The following TBC1D22A variants were observed in gnomAD, a reference collection of about 807,000 sequenced individuals.
The protein encoded by TBC1D22A is TBC1 domain family member 22A.
In TBC1D22A, 38 loss-of-function variants were observed where a neutral mutation model predicts 60.2. The ratio of observed to expected loss-of-function variants is 0.63; its 90% CI spans 0.49 to 0.83. The LOEUF is 0.83. Among genes scored for constraint, TBC1D22A ranks in the 40% least tolerant of loss-of-function variants. TBC1D22A has a pLI of 0.00. For missense variants in TBC1D22A, 628 were observed against 701.0 expected, an observed-to-expected ratio of 0.90 and a Z score of 1.18; for synonymous variants, 302 against 281.7, an observed-to-expected ratio of 1.07 and a Z score of -0.72.
At chr22:47,045,476 C>T (rs148671655) in intron 11 of TBC1D22A, among the ~76,000 whole-genome samples, 61 of 152,360 alleles carry the variant, frequency 4.0e-4, no homozygotes, top group African/African-American at 1.4e-3. Flanking sequence ...TTTCCTTGTA[C>T]TTGCTCCAAA....
chr22:46,844,763 G>A (rs1170342493), intron 4 of TBC1D22A, among the ~76,000 whole-genome samples: 1 of 152,154 alleles, frequency 6.6e-6, no homozygotes, highest in African/African-American at 2.4e-5. Flanking sequence ...AGCAGTTGAC[G>A]GTCTGAGCAC....
chr22:46,977,907 C>T (rs917902488), intron 9 of TBC1D22A, among the ~76,000 whole-genome samples: 7 of 152,232 alleles, frequency 4.6e-5, no homozygotes, highest in African/African-American at 1.7e-4. Context: ...CAGGCCACGC[C>T]TCCAGCACAG....
chr22:46,794,314 C>T (rs1258018423), intron 3 of TBC1D22A, among the ~76,000 whole-genome samples: 4 of 152,182 alleles, frequency 2.6e-5, no homozygotes, highest in African/African-American at 9.6e-5. Flanking sequence ...GCCAGGTGTG[C>T]GTACACGTGG....
At chr22:46,804,737 A>G (rs1189736755) in intron 4 of TBC1D22A, among the ~76,000 whole-genome samples, 2 of 152,240 alleles carry the variant, frequency 1.3e-5, no homozygotes, top group African/African-American at 4.8e-5. Flanking sequence ...CTTCAGTTTA[A>G]TAGGAAACCT....
chr22:47,006,727 G>A (rs2061604495), intron 10 of TBC1D22A, among the ~76,000 whole-genome samples: 1 of 152,224 alleles, frequency 6.6e-6, no homozygotes, highest in South Asian at 2.1e-4. Flanking sequence ...CCTAGGCCAT[G>A]TGACACCACA....
At chr22:47,049,341 T>C (rs140543) in intron 11 of TBC1D22A, among the ~76,000 whole-genome samples, 105,853 of 151,452 alleles carry the variant, frequency 0.7, 37,353 homozygotes, top group East Asian at 0.92. Context: ...GAAGCGGGCA[T>C]GGGCGCTGGG....
chr22:46,815,578 T>C (rs2085560048), intron 4 of TBC1D22A, among the ~76,000 whole-genome samples: 1 of 152,248 alleles, frequency 6.6e-6, no homozygotes, highest in Non-Finnish European at 1.5e-5. Context: ...TTCTAATTTA[T>C]TCACTTGTTT....
At chr22:47,121,381 C>CA (rs2066265892) in intron 12 of TBC1D22A, among the ~76,000 whole-genome samples, 1 of 152,180 alleles carries the variant, frequency 6.6e-6, no homozygotes, top group African/African-American at 2.4e-5. Context: ...TATGGAAAAA[C>CA]AAATTGGCAG....
At chr22:46,871,395 C>G (rs2067287101) in intron 4 of TBC1D22A, among the ~76,000 whole-genome samples, 1 of 152,226 alleles carries the variant, frequency 6.6e-6, no homozygotes, top group Admixed American at 6.5e-5. Flanking sequence ...ACCGCATCTA[C>G]TAACTGATAA....
At chr22:46,912,550 A>G (rs374823790) in intron 8 of TBC1D22A, among the ~76,000 whole-genome samples, 13 of 138,028 alleles carry the variant, frequency 9.4e-5, no homozygotes, top group African/African-American at 4.1e-4. Context: ...CTGTCTGTCT[A>G]TCTGTTTATC....
intron 12 of TBC1D22A, among the ~76,000 whole-genome samples, chr22:47,131,760 C>T (rs2066686522): frequency 6.6e-6 from 1 of 152,206 alleles, no homozygotes; most frequent in Admixed American, 6.5e-5. Context: ...CATCAGTGCA[C>T]AGTGACCCTG....
intron 9 of TBC1D22A, among the ~76,000 whole-genome samples, chr22:46,983,897 G>A (rs113136745): frequency 0.015 from 1,994 of 134,506 alleles, 17 homozygotes; most frequent in Middle Eastern, 0.039. Context: ...CACCTGGGCC[G>A]ATTCCAGCTG....
chr22:46,768,381 A>T (rs948093304), intron 1 of TBC1D22A, among the ~76,000 whole-genome samples: 2 of 145,326 alleles, frequency 1.4e-5, no homozygotes, highest in South Asian at 4.6e-4. Context: ...GCTGCTTGGG[A>T]GGCTGAGGCA....
intron 5 of TBC1D22A, among the ~76,000 whole-genome samples, chr22:46,889,039 T>G (rs1385882468): frequency 1.3e-5 from 2 of 152,154 alleles, no homozygotes; most frequent in African/African-American, 4.8e-5. Context: ...GGAACACTAA[T>G]TATAAAAGAA....
intron 12 of TBC1D22A, among the ~76,000 whole-genome samples, chr22:47,158,165 C>T (rs1176010016): frequency 2.0e-5 from 3 of 152,206 alleles, no homozygotes; most frequent in East Asian, 1.9e-4. Context: ...CCCAGCCCCT[C>T]CCTGACCTGG....
intron 12 of TBC1D22A, among the ~76,000 whole-genome samples, chr22:47,151,218 G>T (rs926260357): frequency 6.6e-6 from 1 of 152,172 alleles, no homozygotes; most frequent in African/African-American, 2.4e-5. Context: ...ACTTTTAAAC[G>T]CTGCGTGGTG....
chr22:46,768,241 T>G (rs563780244), intron 1 of TBC1D22A: 67 of 152,176 alleles, frequency 4.4e-4, no homozygotes, highest in African/African-American at 1.6e-3. Flanking sequence ...TCCCAGCACT[T>G]TGGGAGGCTG....
chr22:46,897,092 G>A (rs1158026916), intron 7 of TBC1D22A, among the ~76,000 whole-genome samples: 1 of 152,140 alleles, frequency 6.6e-6, no homozygotes, highest in African/African-American at 2.4e-5. Context: ...TGTGTTACCG[G>A]TGGAGGGTGT....
chr22:46,926,832 A>G (rs1487381231), intron 8 of TBC1D22A, among the ~76,000 whole-genome samples: 1 of 152,218 alleles, frequency 6.6e-6, no homozygotes, highest in Non-Finnish European at 1.5e-5. Flanking sequence ...CCAATTCCAT[A>G]AAATAAGTCT....
Sources: gnomAD v4.1 joint callset for allele counts (sites outside exome capture counted in the v4.1 genomes callset) on GRCh38, gnomAD v4.1.1 for gene constraint, MANE v1.5 for transcripts, NCBI Gene and HGNC (gene_info 2026-07-23, HGNC 2026-07-21) for gene names.